FAT3: variants seen among roughly 807,000 people sequenced by gnomAD.
FAT3 encodes the protein FAT atypical cadherin 3.
In FAT3, 95 loss-of-function variants were observed where a neutral mutation model predicts 310.2. The observed-to-expected ratio is 0.31, with a 90% CI of 0.26 to 0.36. The LOEUF (loss-of-function observed/expected upper bound fraction) is 0.36, where lower values mean the gene tolerates loss of function less well. Ranked by LOEUF, FAT3 falls within the 10% of genes least tolerant of loss-of-function variation. FAT3 has a pLI of 1.00. For missense variants in FAT3, 5,408 were observed against 5,715.6 expected (o/e 0.95, Z 1.74); for synonymous variants, 2,314 against 2,192.9 (o/e 1.06, Z -1.54).
Position 92,551,417 on chromosome 11 carries a change from TG to T in FAT3, c.3607+26470del, listed in dbSNP as rs111438395. 2.8e-4 allele frequency among the ~76,000 whole-genome samples: 11 copies of T among 39,484 alleles called. No individual in the cohort carries two copies. In the South Asian group the frequency reaches 8.7e-3, roughly 31 times the overall value. The allele number at this position is 39,484 out of a possible 152,430, so 25.9% of individuals were successfully genotyped here. A position where few individuals can be genotyped will look rare whatever the true frequency, so the allele number is the denominator to read the frequency against. On this transcript the variant is annotated intron_variant, in intron 3 of 27. Coordinates refer to ENST00000525166, the MANE Select transcript of FAT3 (RefSeq NM_001367949.2). Reference sequence around the variant, plus strand: ...TTGGTCCCATGTTTTTTTTGTTTTGTGTGTGTGTGTGTGTGTGTGTGTGTGT... The same window carrying T: ...TTGGTCCCATGTTTTTTTTGTTTTGTTGTGTGTGTGTGTGTGTGTGTGTGT...
Position 92,844,165 on chromosome 11 carries a change from A to T in FAT3, c.10798A>T (p.Ser3600Cys). The T allele has an allele frequency of 1.2e-6, 2 of 1,614,048 alleles. No individual in the cohort carries two copies. Among genetic ancestry groups the T allele is most frequent in the Non-Finnish European group, 1.7e-6 (2 of 1,179,902 alleles). The change falls in exon 19 of 28, where the codon AGT (serine) becomes TGT (cysteine). Residue 3600 changes from serine to cysteine, a missense_variant. By Grantham distance (112) the Ser-to-Cys change is moderately radical. This residue lies in a region of FAT3 where 4,588 missense variants were observed against 4,809.8 expected (regional missense o/e 0.95). Transcript: ENST00000525166. Reference protein sequence around the residue: ...SEQKSLFKVNSHDGKIIALGG... With the variant: ...SEQKSLFKVNCHDGKIIALGG... Reference sequence around the variant, plus strand: ...GCAGAAAAGCTTATTTAAAGTGAACAGTCACGATGGGAAAATCATCGCCCT... The same window carrying T: ...GCAGAAAAGCTTATTTAAAGTGAACTGTCACGATGGGAAAATCATCGCCCT...
At chr11:92,584,490 T>C (rs1339056159) in intron 3 of FAT3, among the ~76,000 whole-genome samples, 7 of 152,034 alleles carry the variant, frequency 4.6e-5, no homozygotes, top group Admixed American at 4.6e-4. Flanking sequence ...CCCCCCCTTT[T>C]CATCTTATTG....
chr11:92,585,762 C>T (rs1939114144), intron 3 of FAT3, among the ~76,000 whole-genome samples: 1 of 151,960 alleles, frequency 6.6e-6, no homozygotes, highest in Non-Finnish European at 1.5e-5. Context: ...TTATTCTCTG[C>T]TATTTCTTTT....
At chr11:92,508,399 G>A (rs918087565) in intron 2 of FAT3, among the ~76,000 whole-genome samples, 3 of 152,134 alleles carry the variant, frequency 2.0e-5, no homozygotes, top group Non-Finnish European at 4.4e-5. Flanking sequence ...GGGGTAGCAA[G>A]TATGAGATTT....
chr11:92,459,819 G>C (rs1951589912), intron 2 of FAT3, among the ~76,000 whole-genome samples: 1 of 152,068 alleles, frequency 6.6e-6, no homozygotes, highest in Non-Finnish European at 1.5e-5. Flanking sequence ...GCCCAAAATA[G>C]GAATCCGGTT....
chr11:92,508,342 G>A (rs1238920263), intron 2 of FAT3, among the ~76,000 whole-genome samples: 4 of 152,022 alleles, frequency 2.6e-5, no homozygotes, highest in Non-Finnish European at 4.4e-5. Context: ...TGAGCTATAT[G>A]CTTTCATTAT....
At chr11:92,461,232 A>C (rs550355720) in intron 2 of FAT3, among the ~76,000 whole-genome samples, 2 of 152,188 alleles carry the variant, frequency 1.3e-5, no homozygotes, top group South Asian at 4.2e-4. Context: ...TCTGTGGATG[A>C]GAGGAGAGAG....
intron 8 of FAT3, 60 bp downstream of exon 8, chr11:92,790,278 A>G: frequency 1.3e-6 from 2 of 1,549,586 alleles, no homozygotes; most frequent in Non-Finnish European, 8.8e-7. Flanking sequence ...GGCCACACAC[A>G]TTAGCCTTCA....
chr11:92,345,124 G>A (rs1043978782), intron 1 of FAT3, among the ~76,000 whole-genome samples: 4 of 151,992 alleles, frequency 2.6e-5, no homozygotes, highest in South Asian at 2.1e-4. Flanking sequence ...TTTCCACAGG[G>A]TCTCTATGTT....
chr11:92,796,038 G>T (rs894098459), intron 9 of FAT3, among the ~76,000 whole-genome samples: 11 of 152,116 alleles, frequency 7.2e-5, no homozygotes, highest in African/African-American at 2.7e-4. Flanking sequence ...AAACTCTGCA[G>T]TCGGGCACCA....
intron 12 of FAT3, 83 bp downstream of exon 12, chr11:92,806,598 A>C: frequency 2.5e-6 from 3 of 1,187,212 alleles, no homozygotes; most frequent in Non-Finnish European, 3.5e-6. Flanking sequence ...TCACTAGTAA[A>C]TAGTTAGTAG....
At chr11:92,502,583 G>A (rs189357031) in intron 2 of FAT3, among the ~76,000 whole-genome samples, 15 of 152,216 alleles carry the variant, frequency 9.9e-5, no homozygotes, top group Admixed American at 8.5e-4. Flanking sequence ...GACATGTGAA[G>A]CAGAAGAGGC....
chr11:92,682,085 T>G (rs947015379), intron 3 of FAT3, among the ~76,000 whole-genome samples: 3 of 152,208 alleles, frequency 2.0e-5, no homozygotes, highest in Non-Finnish European at 4.4e-5. Flanking sequence ...ATAAGGATTC[T>G]GGAGTCAGAC....
At chr11:92,653,113 T>C (rs1323537878) in intron 3 of FAT3, among the ~76,000 whole-genome samples, 1 of 152,166 alleles carries the variant, frequency 6.6e-6, no homozygotes, top group East Asian at 1.9e-4. Context: ...GAGCTGAGAT[T>C]GTGCCATTGC....
intron 1 of FAT3, among the ~76,000 whole-genome samples, chr11:92,234,163 C>T (rs192664779): frequency 6.6e-6 from 1 of 152,282 alleles, no homozygotes; most frequent in East Asian, 1.9e-4. Flanking sequence ...AAAATACACT[C>T]TTTATTTAAA....
intron 4 of FAT3, among the ~76,000 whole-genome samples, chr11:92,702,540 G>A (rs1944130970): frequency 1.3e-5 from 2 of 152,132 alleles, no homozygotes; most frequent in Non-Finnish European, 2.9e-5. Flanking sequence ...CAGAGATGCT[G>A]GTAACCTATT....
chr11:92,724,740 C>G (rs1944953434), intron 4 of FAT3, among the ~76,000 whole-genome samples: 1 of 152,168 alleles, frequency 6.6e-6, no homozygotes. Context: ...GCAGCTCTTG[C>G]TAAAACTGTT....
intron 2 of FAT3, among the ~76,000 whole-genome samples, chr11:92,480,410 A>G (rs1315378083): frequency 6.6e-6 from 1 of 152,250 alleles, no homozygotes; most frequent in Non-Finnish European, 1.5e-5. Flanking sequence ...AACATATACC[A>G]GAGCTTTTAC....
chr11:92,844,784 AATGAGTTACC>A (rs1345927063), intron 19 of FAT3, 52 bp downstream of exon 19: 1 of 1,445,118 alleles, frequency 6.9e-7, no homozygotes, highest in African/African-American at 1.4e-5. Flanking sequence ...GTAGGAGTAG[AATGAGTTACC>A]ATTCCAGCAT....
Sources: allele counts gnomAD v4.1 joint callset (sites outside exome capture counted in the v4.1 genomes callset), GRCh38; gene constraint gnomAD v4.1.1; regional missense constraint gnomAD v4.1.1; transcripts MANE v1.5; gene names NCBI Gene and HGNC (gene_info 2026-07-23, HGNC 2026-07-21).